Variants in GRID1 observed in about 807,000 individuals in gnomAD.
The protein encoded by GRID1 is glutamate ionotropic receptor delta type subunit 1.
In GRID1, 28 loss-of-function variants were observed where a neutral mutation model predicts 98.0. The observed-to-expected ratio is 0.29, with a 90% CI of 0.21 to 0.39. The LOEUF (loss-of-function observed/expected upper bound fraction) is 0.39. Ranked by LOEUF, GRID1 falls within the 10% of genes least tolerant of loss-of-function variation. GRID1 has a pLI of 1.00. For synonymous variants in GRID1, 553 were observed against 538.5 expected (o/e 1.03, Z -0.37); for missense variants, 1,111 against 1,340.5 (o/e 0.83, Z 2.67).
At chr10:86,039,533 C>T (rs1355012369) in intron 4 of GRID1, among the ~76,000 whole-genome samples, 1 of 152,184 alleles carries the variant, frequency 6.6e-6, no homozygotes, top group Non-Finnish European at 1.5e-5. Context: ...ACAAGCTTCT[C>T]TCCTTGGGAA....
At chr10:86,050,244 A>C (rs1843482598) in intron 4 of GRID1, among the ~76,000 whole-genome samples, 1 of 152,248 alleles carries the variant, frequency 6.6e-6, no homozygotes, top group African/African-American at 2.4e-5. Flanking sequence ...GGAGGCACAC[A>C]ATTTCTCTAT....
intron 3 of GRID1, among the ~76,000 whole-genome samples, chr10:86,177,485 C>CGTGTGCATGCAT (rs1046227655): frequency 4.0e-5 from 6 of 151,654 alleles, no homozygotes; most frequent in East Asian, 1.9e-4. Flanking sequence ...GAAGCTTTAG[C>CGTGTGCATGCAT]GTGTGCATGC....
chr10:86,084,420 T>C lies in GRID1; in HGVS notation c.726+54399A>G, dbSNP rs149750748. Among the ~76,000 whole-genome samples the C allele has an allele frequency of 9.9e-5, 15 of 152,274 alleles. No homozygotes were observed. The East Asian group carries it at 2.1e-3, about 22-fold the overall frequency. On this transcript the variant is annotated intron_variant, in intron 4 of 15. Transcript: ENST00000327946. Reference sequence around the variant, plus strand: ...AAGAAATTGGAACCCTTATGCACTATTGACAGAAATGTAAAATTTCTATCA... The same window carrying C: ...AAGAAATTGGAACCCTTATGCACTACTGACAGAAATGTAAAATTTCTATCA...
intron 13 of GRID1, among the ~76,000 whole-genome samples, chr10:85,625,823 T>C (rs1212191740): frequency 2.0e-5 from 3 of 152,224 alleles, no homozygotes; most frequent in African/African-American, 7.2e-5. Flanking sequence ...ATTGGATGAC[T>C]TGCTTGTGTT....
intron 2 of GRID1, among the ~76,000 whole-genome samples, chr10:86,277,088 A>G (rs1847283300): frequency 6.6e-6 from 1 of 152,204 alleles, no homozygotes; most frequent in Admixed American, 6.5e-5. Context: ...TTATTGTTTA[A>G]CAGGTACAGA....
In GRID1 at chr10:86,133,924, A is replaced by C. The variant is rs545293872; in HGVS notation, c.726+4895T>G. Reference sequence around the variant, plus strand: ...GCAACTCTTCTCCATAAAGAAAACAAACAGTTTAAAATCATTTAATTTTTC... The same window carrying C: ...GCAACTCTTCTCCATAAAGAAAACACACAGTTTAAAATCATTTAATTTTTC... On this transcript the variant is annotated intron_variant, in intron 4 of 15. Transcript: ENST00000327946. Among the ~76,000 whole-genome samples, 5 of 152,382 alleles carry C rather than the reference A, an allele frequency of 3.3e-5. No individual in the cohort carries two copies. The South Asian group carries it at 1.0e-3, about 32-fold the overall frequency.
intron 6 of GRID1, among the ~76,000 whole-genome samples, chr10:85,863,083 G>A (rs1843180764): frequency 6.6e-6 from 1 of 152,214 alleles, no homozygotes. Context: ...GGCTCCTGAG[G>A]AGACGCGAAG....
intron 4 of GRID1, among the ~76,000 whole-genome samples, chr10:85,920,439 C>G (rs1381816965): frequency 6.6e-6 from 1 of 152,118 alleles, no homozygotes; most frequent in Non-Finnish European, 1.5e-5. Flanking sequence ...TGCATAATCC[C>G]TCATTCCTTC....
intron 2 of GRID1, among the ~76,000 whole-genome samples, chr10:86,319,096 G>T (rs1847935811): frequency 6.6e-6 from 1 of 152,152 alleles, no homozygotes; most frequent in African/African-American, 2.4e-5. Context: ...AGGTCCTGAG[G>T]CTGGACCATA....
chr10:85,718,417 C>T (rs183873906), intron 12 of GRID1, among the ~76,000 whole-genome samples: 5 of 151,620 alleles, frequency 3.3e-5, no homozygotes, highest in Admixed American at 3.3e-4. Flanking sequence ...CCCTTCCACA[C>T]TGCCCTAGCA....
intron 2 of GRID1, among the ~76,000 whole-genome samples, chr10:86,223,328 G>A (rs1170915814): frequency 1.3e-5 from 2 of 152,218 alleles, no homozygotes; most frequent in Non-Finnish European, 2.9e-5. Flanking sequence ...AGAGATGACA[G>A]GCAGAAGGAC....
chr10:86,083,850 G>A (rs1177257818), intron 4 of GRID1, among the ~76,000 whole-genome samples: 2 of 152,160 alleles, frequency 1.3e-5, no homozygotes, highest in African/African-American at 2.4e-5. Context: ...AGTTCAGCTC[G>A]TAAGTTGTAC....
intron 12 of GRID1, among the ~76,000 whole-genome samples, chr10:85,699,828 C>G (rs536380386): frequency 1.3e-5 from 2 of 152,104 alleles, no homozygotes; most frequent in Non-Finnish European, 2.9e-5. Context: ...CTTAGTTTAA[C>G]GCAATAATTT....
At chr10:85,981,397 G>A (rs773823897) in intron 4 of GRID1, among the ~76,000 whole-genome samples, 1 of 152,206 alleles carries the variant, frequency 6.6e-6, no homozygotes, top group South Asian at 2.1e-4. Context: ...CTTTGTAGAA[G>A]GGAATCTGGA....
chr10:85,827,318 G>A (rs1173586895), intron 8 of GRID1, among the ~76,000 whole-genome samples: 1 of 151,918 alleles, frequency 6.6e-6, no homozygotes, highest in African/African-American at 2.4e-5. Context: ...CTCACTTTGA[G>A]AATTTCATAA....
intron 3 of GRID1, among the ~76,000 whole-genome samples, chr10:86,164,540 G>A (rs1328709986): frequency 5.9e-5 from 9 of 152,226 alleles, no homozygotes; most frequent in Non-Finnish European, 1.5e-5. Context: ...CACAGTGGAG[G>A]AAACAGAAGG....
chr10:85,799,128 C>G (rs556427299), intron 8 of GRID1, among the ~76,000 whole-genome samples: 1 of 152,076 alleles, frequency 6.6e-6, no homozygotes, highest in Non-Finnish European at 1.5e-5. Flanking sequence ...GCTCTTGGCA[C>G]CTTTATGAAA....
In GRID1 at chr10:86,206,699, C is replaced by T. The variant is rs189804308; in HGVS notation, c.236-51G>A. On this transcript the variant is annotated intron_variant, in intron 2 of 15. Transcript: ENST00000327946. The surrounding 1 kb of genome is among the most constrained non-coding windows in gnomAD (Gnocchi z 4.1). ...AGGGGTCAGCATCAGGGCGATGCTG[C>T]ACCAGCTTCAACCTGCAGGCCCCAT... 1.4e-5 allele frequency: 21 copies of T among 1,523,222 alleles called. No homozygotes were observed. The Admixed American group carries it at 1.8e-4, about 13-fold the overall frequency. The allele number at this position is 1,523,222 out of a possible 1,614,324, so 94.4% of individuals were successfully genotyped here.
chr10:85,709,748 T>C (rs1841562336), intron 12 of GRID1, among the ~76,000 whole-genome samples: 1 of 152,306 alleles, frequency 6.6e-6, no homozygotes, highest in Non-Finnish European at 1.5e-5. Flanking sequence ...AAATCAATAT[T>C]TGGCACTTTT....
Sources: allele counts gnomAD v4.1 joint callset (sites outside exome capture counted in the v4.1 genomes callset), GRCh38; gene constraint gnomAD v4.1.1; non-coding constraint Gnocchi (gnomAD v3.1); transcripts MANE v1.5; gene names NCBI Gene and HGNC (gene_info 2026-07-23, HGNC 2026-07-21).